SLC26A4: variants seen among roughly 807,000 people sequenced by gnomAD.
The protein encoded by SLC26A4 is solute carrier family 26 member 4.
A neutral mutation model predicts 90.4 loss-of-function variants in SLC26A4; 93 were observed. The ratio of observed to expected loss-of-function variants is 1.03; its 90% CI spans 0.87 to 1.22. The LOEUF is 1.22. Ranked by LOEUF, SLC26A4 falls within the 50% of genes most tolerant of loss-of-function variation. The pLI, the probability that SLC26A4 is intolerant of heterozygous loss-of-function variation, is 0.00. For missense variants in SLC26A4, 1,127 were observed against 946.2 expected, an observed-to-expected ratio of 1.19 and a Z score of -2.51; for synonymous variants, 393 against 354.6, an observed-to-expected ratio of 1.11 and a Z score of -1.22.
Position 107,690,151 on chromosome 7 carries a change from ATCT to A in SLC26A4, c.1181_1183del (p.Phe394del), listed in dbSNP as rs777008062. 1 of 1,612,492 alleles carries A rather than the reference ATCT, an allele frequency of 6.2e-7. No homozygotes were observed. Among genetic ancestry groups the A allele is most frequent in the South Asian group, 1.1e-5 (1 of 91,054 alleles). Reference sequence around the variant, plus strand: ...ATTCATTGCCTTTGGGATCAGCAACATCTTCTCAGGATTCTTCTCTTGTTTTGT... The same window carrying A: ...ATTCATTGCCTTTGGGATCAGCAACATCTCAGGATTCTTCTCTTGTTTTGT... On this transcript the variant is annotated inframe_deletion, in exon 10 of 21. Transcript: ENST00000644269.
At chr7:107,710,260 G>A in intron 19 of SLC26A4, 61 bp downstream of exon 19, 1 of 1,235,002 alleles carries the variant, frequency 8.1e-7, no homozygotes, top group Non-Finnish European at 1.2e-6. Context: ...TCTATAAATG[G>A]CAAACATTAC....
Position 107,689,108 on chromosome 7 carries a change from T to G in SLC26A4, c.1057T>G (p.Ser353Ala), listed in dbSNP as rs753960226. ...CTTGTTCTCGGAGATGCTGGCTGCA[T>G]CATTTTCCATCGCTGTGGTGGCTTA... Reference protein sequence around the residue: ...VSLFSEMLAASFSIAVVAYAI... With the variant: ...VSLFSEMLAAAFSIAVVAYAI... Residue 353 changes from serine (S) to alanine (A), a missense_variant, in exon 9 of 21, where the codon TCA (serine) becomes GCA (alanine). Ser to Ala is a moderately conservative substitution (Grantham distance 99). Transcript: ENST00000644269. 8.7e-6 allele frequency: 14 copies of G among 1,613,994 alleles called. No homozygotes were observed. Among genetic ancestry groups the G allele is most frequent in the Non-Finnish European group, 1.2e-5 (14 of 1,179,868 alleles).
Position 107,683,737 on chromosome 7 carries a change from C to T in SLC26A4, c.1001+200C>T, listed in dbSNP as rs536784831. 1.9e-4 allele frequency among the ~76,000 whole-genome samples: 29 copies of T among 152,118 alleles called. No homozygotes were observed. The South Asian group carries it at 5.4e-3, about 28-fold the overall frequency. ...TCAAGCCATTTGTTTAAAAGCAGCC[C>T]GTATATGCTCTTTTTTCTTCATTTT... On this transcript the variant is annotated intron_variant, in intron 8 of 20. Coordinates refer to ENST00000644269, the MANE Select transcript of SLC26A4 (RefSeq NM_000441.2).
At position 107,692,112 on chromosome 7, in the gene SLC26A4, C is replaced by T. The variant is rs1791593012; in HGVS notation, c.1263+1875C>T. ...CCCATGTAAAGTGACCTCCTTGGCA[C>T]AGGGTTTGGGGGATAATGGTGCTCT... On this transcript the variant is annotated intron_variant, in intron 10 of 20. Transcript: ENST00000644269. 3 of 1,286,006 alleles carry T rather than the reference C, an allele frequency of 2.3e-6. No individual in the cohort carries two copies. The African/African-American group carries it at 4.6e-5, about 20-fold the overall frequency. 79.7% of individuals were successfully genotyped at this position (1,286,006 alleles called of 1,614,324 possible). A position where few individuals can be genotyped will look rare whatever the true frequency, so the allele number is the denominator to read the frequency against.
chr7:107,690,026 A>T (rs1250757846), intron 9 of SLC26A4, 98 bp from the exon 10 acceptor site: 1 of 804,872 alleles, frequency 1.2e-6, no homozygotes, highest in Non-Finnish European at 2.2e-6. Flanking sequence ...CAGAGTAGGC[A>T]TGGGAGTTTT....
Position 107,674,269 on chromosome 7 carries a change from C to G in SLC26A4, c.521C>G (p.Thr174Ser), listed in dbSNP as rs876658004. The change falls in exon 5 of 21, where the codon ACT (threonine) becomes AGT (serine). Residue 174 changes from threonine to serine, a missense_variant. Transcript: ENST00000644269. ...AGCAATGGAACTGTATTAAATACTACTATGATAGACACTGCAGCTAGAGAT... is the reference window on the plus strand; with the variant it reads ...AGCAATGGAACTGTATTAAATACTAGTATGATAGACACTGCAGCTAGAGAT... The part of the protein sequence containing the change: ...SSSNGTVLNT[T>S]MIDTAARDTA... 1 of 1,613,920 alleles carries G rather than the reference C, an allele frequency of 6.2e-7. No individual in the cohort carries two copies. The highest frequency in any genetic ancestry group is 8.5e-7 in the Non-Finnish European group (1 of 1,179,810).
In SLC26A4 at chr7:107,701,086, C is replaced by T; in HGVS notation, c.1708-15C>T. On this transcript the variant is annotated splice_polypyrimidine_tract_variant and intron_variant, in intron 15 of 20. Transcript: ENST00000644269. ...GTGCCAGGCATTTTAAGTAACTTGA[C>T]ATTTATTTCCAAAGGTTGGATTTGA... 6.6e-7 allele frequency: 1 copy of T among 1,514,348 alleles called. No individual in the cohort carries two copies. Among genetic ancestry groups the T allele is most frequent in the Non-Finnish European group, 9.2e-7 (1 of 1,089,212 alleles). 93.8% of individuals were successfully genotyped at this position (1,514,348 alleles called of 1,614,324 possible).
chr7:107,663,925 C>T (rs963410917), intron 3 of SLC26A4, among the ~76,000 whole-genome samples: 21 of 152,208 alleles, frequency 1.4e-4, no homozygotes, highest in African/African-American at 4.8e-4. Flanking sequence ...CCTCGTGATC[C>T]GCCTGCCTTG....
rs1791818993 is a variant in SLC26A4, at chr7:107,699,112, T to G, written c.1615-971T>G. ...TATTTCCGTGATCTTTCTGTTATGT[T>G]GAGCCAAGTGCCATTAAGAGCTAAA... On this transcript the variant is annotated intron_variant, in intron 14 of 20. Transcript: ENST00000644269. Among the ~76,000 whole-genome samples, 2 of 152,194 alleles carry G rather than the reference T, an allele frequency of 1.3e-5. 1 individual carries two copies. The highest frequency in any genetic ancestry group is 4.1e-4 in the South Asian group (2 of 4,822).
chr7:107,672,579 G>T (rs991533802), intron 4 of SLC26A4, among the ~76,000 whole-genome samples: 2 of 151,862 alleles, frequency 1.3e-5, no homozygotes, highest in African/African-American at 4.8e-5. Flanking sequence ...TGATCAATTT[G>T]ACTCCATTTT....
chr7:107,687,782 A>G (rs1412289547), intron 8 of SLC26A4, among the ~76,000 whole-genome samples: 1 of 152,182 alleles, frequency 6.6e-6, no homozygotes, highest in Non-Finnish European at 1.5e-5. Context: ...AGTAGGGTTG[A>G]CTGGGTCTCA....
chr7:107,685,108 C>T (rs763721588), intron 8 of SLC26A4, among the ~76,000 whole-genome samples: 21 of 152,156 alleles, frequency 1.4e-4, no homozygotes, highest in Non-Finnish European at 2.8e-4. Context: ...ACCTGCCTGG[C>T]CCCAGGGACT....
intron 6 of SLC26A4, among the ~76,000 whole-genome samples, chr7:107,677,772 A>G (rs1443681605): frequency 6.6e-6 from 1 of 151,392 alleles, no homozygotes; most frequent in East Asian, 1.9e-4. Context: ...CACCTGGCTA[A>G]TTTTCTTTTT....
At chr7:107,699,314 CTA>C (rs1791823810) in intron 14 of SLC26A4, among the ~76,000 whole-genome samples, 1 of 152,080 alleles carries the variant, frequency 6.6e-6, no homozygotes, top group Admixed American at 6.5e-5. Flanking sequence ...CTAGAAAAGT[CTA>C]TGATTCTGTG....
rs766751379 is a variant in SLC26A4, at chr7:107,672,249, GTAATTA to G, written c.415+5_415+10del. On this transcript the variant is annotated splice_donor_variant and splice_donor_5th_base_variant and intron_variant, in intron 4 of 20. Coordinates refer to ENST00000644269, the MANE Select transcript of SLC26A4 (RefSeq NM_000441.2). LOFTEE classifies it high-confidence loss of function. ...GGAACATCAAGACATATCTCAGTTG[GTAATTA>G]TAAGTATATTTTACAATTATATTTG... The G allele has an allele frequency of 2.6e-6, 4 of 1,529,718 alleles. No individual in the cohort carries two copies. In the Middle Eastern group the frequency reaches 5.1e-4, roughly 195 times the overall value. 94.8% of individuals were successfully genotyped at this position (1,529,718 alleles called of 1,614,324 possible).
Position 107,712,563 on chromosome 7 carries a change from G to T in SLC26A4, c.2260G>T (p.Asp754Tyr), listed in dbSNP as rs1003248537. ...GATCACTCTCATTCAGGATTGTAAA[G>T]ATACCCTTGAATTAATAGAAACAGA... is the stretch of plus-strand genomic sequence containing the variant. ...ETITLIQDCK[D>Y]TLELIETELT... Residue 754 changes from aspartate (D) to tyrosine (Y), a missense_variant, in exon 20 of 21, where the codon GAT (aspartate) becomes TAT (tyrosine). Physicochemically the swap from Asp to Tyr is radical, Grantham distance 160 (BLOSUM62 -3). Transcript: ENST00000644269. 2.5e-6 allele frequency: 4 copies of T among 1,585,428 alleles called. No individual in the cohort carries two copies. Among genetic ancestry groups the T allele is most frequent in the African/African-American group, 1.3e-5 (1 of 74,340 alleles).
In SLC26A4 at chr7:107,680,249, CTTA is replaced by C. The variant is rs1380229471; in HGVS notation, c.766-2948_766-2946del. Among the ~76,000 whole-genome samples the C allele has an allele frequency of 6.6e-4, 81 of 123,124 alleles. 1 individual carries two copies. The South Asian group carries it at 9.1e-3, about 14-fold the overall frequency. 80.8% of individuals were successfully genotyped at this position (123,124 alleles called of 152,430 possible). ...ATCTTAACTTATTATATAATATAAT[CTTA>C]TTATATAATCTTATCTTATTATATA... On this transcript the variant is annotated intron_variant, in intron 6 of 20. Coordinates refer to ENST00000644269, the MANE Select transcript of SLC26A4 (RefSeq NM_000441.2).
chr7:107,693,988 G>A (rs1791656849), intron 10 of SLC26A4, among the ~76,000 whole-genome samples: 1 of 152,176 alleles, frequency 6.6e-6, no homozygotes, highest in Non-Finnish European at 1.5e-5. Context: ...TCAGCTATGT[G>A]CCATGAGAAT....
rs1355468475 is a variant in SLC26A4 at position 107,694,474 on chromosome 7, G to C, written c.1335G>C (p.Leu445Phe). The C allele has an allele frequency of 6.2e-7, 1 of 1,611,550 alleles. No homozygotes were observed. The highest frequency in any genetic ancestry group is 1.3e-5 in the African/African-American group (1 of 74,836). Residue 445 changes from leucine to phenylalanine, a missense_variant, in exon 11 of 21, where the codon TTG becomes TTC. Physicochemically the swap from Leu to Phe is conservative, Grantham distance 22. Coordinates refer to ENST00000644269, the MANE Select transcript of SLC26A4 (RefSeq NM_000441.2). ...ILALGKLLEP[L>F]QKSVLAAVVI... ...CCCTGGGGAAGCTTCTGGAACCCTT[G>C]CAGAAGGTATAACCCTGCTTCTCTG...
Sources: allele counts gnomAD v4.1 joint callset (sites outside exome capture counted in the v4.1 genomes callset), GRCh38; gene constraint gnomAD v4.1.1; transcripts MANE v1.5; gene names NCBI Gene and HGNC (gene_info 2026-07-23, HGNC 2026-07-21).